SDR42E2: variants seen among roughly 807,000 people sequenced by gnomAD.
SDR42E2 encodes putative short-chain dehydrogenase/reductase family 42E member 2.
Under a neutral mutation model 10.5 loss-of-function variants are expected in SDR42E2, and 20 were observed. The ratio of observed to expected loss-of-function variants is 1.90; its 90% CI spans 1.34 to 2.77. SDR42E2 has a LOEUF of 2.77. SDR42E2 is among the 30% of genes most tolerant of loss of function. The pLI is 0.00. For synonymous variants in SDR42E2, 72 were observed against 39.2 expected, an observed-to-expected ratio of 1.84 and a Z score of -3.12; for missense variants, 162 against 104.2, an observed-to-expected ratio of 1.55 and a Z score of -2.42.
intron 6 of SDR42E2, among the ~76,000 whole-genome samples, chr16:22,171,759 T>C (rs1313690685): frequency 6.6e-6 from 1 of 152,142 alleles, no homozygotes. Flanking sequence ...CTCGAACTCC[T>C]GGGCTCAATC....
At position 22,181,462 on chromosome 16, in the gene SDR42E2, C is replaced by G. The variant is rs563201450; in HGVS notation, c.673-57C>G. 8.5e-6 allele frequency: 6 copies of G among 701,882 alleles called. No individual in the cohort carries two copies. In the African/African-American group the frequency reaches 1.0e-4, roughly 12 times the overall value. The allele number at this position is 701,882 out of a possible 1,614,324, so 43.5% of individuals were successfully genotyped here. A position where few individuals can be genotyped will look rare whatever the true frequency, so the allele number is the denominator to read the frequency against. ...ACCTGGGGAGTCATCAGCATCTAGA[C>G]GGAATGTAAAGCCACACCGGACACA... On this transcript the variant is annotated intron_variant, in intron 8 of 12. Transcript: ENST00000602312.
intron 11 of SDR42E2, 127 bp from the exon 12 acceptor site, chr16:22,186,594 T>A (rs1417207380): frequency 7.5e-6 from 3 of 400,176 alleles, no homozygotes; most frequent in Non-Finnish European, 1.3e-5. Flanking sequence ...TTTAAAGGAA[T>A]CCAGTGACTT....
chr16:22,170,309 G>A (rs1032529671), intron 5 of SDR42E2, among the ~76,000 whole-genome samples: 7 of 152,118 alleles, frequency 4.6e-5, no homozygotes, highest in African/African-American at 9.7e-5. Flanking sequence ...AGCCGAGATC[G>A]CGCCATTGCA....
intron 1 of SDR42E2, among the ~76,000 whole-genome samples, chr16:22,162,826 TC>T (rs1395762847): frequency 6.6e-6 from 1 of 152,182 alleles, no homozygotes; most frequent in African/African-American, 2.4e-5. Flanking sequence ...GGCCTCAGTT[TC>T]CACCTCTGGG....
intron 1 of SDR42E2, among the ~76,000 whole-genome samples, chr16:22,165,248 C>T (rs916835129): frequency 7.9e-5 from 12 of 152,074 alleles, no homozygotes; most frequent in African/African-American, 2.4e-4. Flanking sequence ...CCACTACACC[C>T]GGCTAATTTT....
rs148590036 is a variant in SDR42E2 at position 22,184,869 on chromosome 16, C to T, written c.940+625C>T. ...GAGGCTCTGAGAGGTTAGTGACTTT[C>T]TCAAAGTGCCACAGTGAGAATGCGG... On this transcript the variant is annotated intron_variant, in intron 11 of 12. Coordinates refer to ENST00000602312, the MANE Select transcript of SDR42E2 (RefSeq NM_001394319.2). Among the ~76,000 whole-genome samples the T allele has an allele frequency of 2.5e-3, 384 of 152,240 alleles. 1 individual carries two copies. Among genetic ancestry groups the T allele is most frequent in the Non-Finnish European group, 4.1e-3 (279 of 68,026 alleles).
intron 10 of SDR42E2, 116 bp downstream of exon 10, chr16:22,182,393 G>A (rs1287437604): frequency 5.1e-6 from 2 of 390,680 alleles, no homozygotes; most frequent in Middle Eastern, 4.0e-4. Context: ...TGTCACCCAG[G>A]CTGGAGTCCA....
chr16:22,178,919 C>T (rs1007594350), intron 8 of SDR42E2, among the ~76,000 whole-genome samples: 4 of 152,052 alleles, frequency 2.6e-5, no homozygotes, highest in Admixed American at 6.6e-5. Context: ...TCTGGGAGTA[C>T]GGGATTATGA....
intron 7 of SDR42E2, among the ~76,000 whole-genome samples, chr16:22,175,078 G>A (rs1361334729): frequency 1.3e-5 from 2 of 152,166 alleles, no homozygotes; most frequent in Admixed American, 1.3e-4. Context: ...TGTTAATGCA[G>A]TTATGTCCTC....
In SDR42E2 at chr16:22,178,149, G is replaced by T; in HGVS notation, c.609G>T (p.Thr203=). The T allele has an allele frequency of 1.4e-6, 1 of 702,846 alleles. No individual in the cohort carries two copies. The highest frequency in any genetic ancestry group is 1.5e-5 in the South Asian group (1 of 67,590). The allele number at this position is 702,846 out of a possible 1,614,324, so 43.5% of individuals were successfully genotyped here. A position where few individuals can be genotyped will look rare whatever the true frequency, so the allele number is the denominator to read the frequency against. ...TGCTAGGAGGAGGCACTCTTCGGAC[G>T]TGTGTGCTCCGGCCTCCAGGGATCT... ...MPLPGGGTLR[T]CVLRPPGIYG... Residue 203 remains threonine, a synonymous_variant, in exon 8 of 13, where the codon ACG becomes ACT. Coordinates refer to ENST00000602312, the MANE Select transcript of SDR42E2 (RefSeq NM_001394319.2).
At chr16:22,188,299 G>C (rs1039076751) in intron 12 of SDR42E2, among the ~76,000 whole-genome samples, 5 of 152,148 alleles carry the variant, frequency 3.3e-5, no homozygotes, top group African/African-American at 4.8e-5. Context: ...GGAGTCAGAG[G>C]GGGAGAGTGG....
intron 12 of SDR42E2, 34 bp downstream of exon 12, chr16:22,186,828 G>GCTACCCATCCCTCCCTTCCTACCT: frequency 3.2e-6 from 1 of 311,152 alleles, no homozygotes; most frequent in South Asian, 1.7e-4. Context: ...CCTAGGCCCT[G>GCTACCCATCCCTCCCTTCCTACCT]CTCCCCATCC....
At chr16:22,174,663 T>C (rs1242220257) in intron 7 of SDR42E2, among the ~76,000 whole-genome samples, 1 of 151,976 alleles carries the variant, frequency 6.6e-6, no homozygotes, top group East Asian at 1.9e-4. Context: ...TGAATAATAT[T>C]TTCTCTACCT....
chr16:22,188,330 G>A (rs900500571), intron 12 of SDR42E2, among the ~76,000 whole-genome samples: 1 of 152,170 alleles, frequency 6.6e-6, no homozygotes, highest in Non-Finnish European at 1.5e-5. Flanking sequence ...ACAGAAAGAA[G>A]TAGTCACCTA....
At chr16:22,167,628 A>C (rs1022808941) in intron 4 of SDR42E2, among the ~76,000 whole-genome samples, 2 of 152,166 alleles carry the variant, frequency 1.3e-5, no homozygotes, top group African/African-American at 4.8e-5. Flanking sequence ...ATCCACCAAA[A>C]CATATGTATA....
chr16:22,173,361 A>C (rs1040795451), intron 7 of SDR42E2, among the ~76,000 whole-genome samples: 3 of 152,130 alleles, frequency 2.0e-5, no homozygotes, highest in African/African-American at 7.2e-5. Flanking sequence ...CTGGGACTAC[A>C]GGTGCATGCC....
At chr16:22,170,128 G>T (rs1180408047) in intron 5 of SDR42E2, among the ~76,000 whole-genome samples, 1 of 152,176 alleles carries the variant, frequency 6.6e-6, no homozygotes, top group Non-Finnish European at 1.5e-5. Context: ...GCCGAGGCAG[G>T]TGGATCACCT....
At chr16:22,168,409 T>G (rs891038351) in intron 4 of SDR42E2, among the ~76,000 whole-genome samples, 1 of 151,758 alleles carries the variant, frequency 6.6e-6, no homozygotes, top group African/African-American at 2.4e-5. Flanking sequence ...AAGATTACAG[T>G]TGCACGCCAC....
chr16:22,163,789 C>T (rs1165683735), intron 1 of SDR42E2, among the ~76,000 whole-genome samples: 2 of 152,106 alleles, frequency 1.3e-5, no homozygotes, highest in Non-Finnish European at 2.9e-5. Context: ...GTGAGCAGGG[C>T]AGTAACAGAG....
Sources: gnomAD v4.1 joint callset for allele counts (sites outside exome capture counted in the v4.1 genomes callset) on GRCh38, gnomAD v4.1.1 for gene constraint, MANE v1.5 for transcripts, NCBI Gene and HGNC (gene_info 2026-07-23, HGNC 2026-07-21) for gene names.